FKTN: variants seen among roughly 807,000 people sequenced by gnomAD.
The protein encoded by FKTN is ribitol-5-phosphate transferase FKTN.
FKTN carries 47 observed loss-of-function variants against 58.6 expected under a neutral mutation model. The ratio of observed to expected loss-of-function variants is 0.80; its 90% CI spans 0.63 to 1.02. FKTN has a LOEUF of 1.02. Among genes scored for constraint, FKTN ranks in the 50% least tolerant of loss-of-function variants. The pLI is 0.00. For synonymous variants in FKTN, 178 were observed against 191.9 expected (o/e 0.93, Z 0.60); for missense variants, 516 against 537.3 (o/e 0.96, Z 0.39).
At chr9:105,603,235 T>C (rs1828218244) in intron 5 of FKTN, among the ~76,000 whole-genome samples, 1 of 152,216 alleles carries the variant, frequency 6.6e-6, no homozygotes, top group African/African-American at 2.4e-5. Flanking sequence ...TGTCAGCTGA[T>C]AATGCCTTTC....
intron 3 of FKTN, among the ~76,000 whole-genome samples, chr9:105,583,041 G>C (rs1274614333): frequency 6.6e-6 from 1 of 152,178 alleles, no homozygotes; most frequent in Admixed American, 6.5e-5. Context: ...GTGGCCAGCA[G>C]ATTCCCAAAT....
chr9:105,595,391 T>G (rs753979025), intron 3 of FKTN, among the ~76,000 whole-genome samples: 4 of 152,154 alleles, frequency 2.6e-5, no homozygotes, highest in Admixed American at 6.5e-5. Context: ...ACTCAACAAA[T>G]TGAACAGCTC....
In FKTN at chr9:105,639,754, A is replaced by G. The variant is rs888537340; in HGVS notation, c.*4490A>G. On this transcript the variant is annotated 3_prime_UTR_variant, in exon 11 of 11. Coordinates refer to ENST00000357998, the MANE Select transcript of FKTN (RefSeq NM_001079802.2). ...ATTACCAGTTTGCCTCCTTCTCTCA[A>G]TAGAACTTGTATTTTCATTTTCTTG... 9.5e-6 allele frequency: 10 copies of G among 1,050,394 alleles called. No individual in the cohort carries two copies. The African/African-American group carries it at 1.0e-4, about 11-fold the overall frequency. The allele number at this position is 1,050,394 out of a possible 1,614,324, so 65.1% of individuals were successfully genotyped here.
intron 10 of FKTN, among the ~76,000 whole-genome samples, chr9:105,631,109 G>C (rs1407691755): frequency 1.3e-5 from 2 of 152,066 alleles, no homozygotes; most frequent in African/African-American, 4.8e-5. Flanking sequence ...CTCCAGCCTG[G>C]GTGACAAAGC....
intron 3 of FKTN, among the ~76,000 whole-genome samples, chr9:105,590,560 A>T (rs1844684331): frequency 6.6e-6 from 1 of 152,176 alleles, no homozygotes; most frequent in Non-Finnish European, 1.5e-5. Flanking sequence ...AGTATTCAGG[A>T]TTTGTTGATG....
At chr9:105,583,514 G>A (rs1195812135) in intron 3 of FKTN, among the ~76,000 whole-genome samples, 1 of 152,042 alleles carries the variant, frequency 6.6e-6, no homozygotes, top group Non-Finnish European at 1.5e-5. Flanking sequence ...CTTTTTAGTT[G>A]TATTCTTACT....
chr9:105,604,929 C>T (rs1199235949), intron 6 of FKTN, among the ~76,000 whole-genome samples: 2 of 148,594 alleles, frequency 1.3e-5, no homozygotes, highest in Non-Finnish European at 3.0e-5. Context: ...ACACTCTAGG[C>T]TGGGCAACAG....
At chr9:105,633,645 G>A (rs561622325) in intron 10 of FKTN, among the ~76,000 whole-genome samples, 11 of 152,260 alleles carry the variant, frequency 7.2e-5, no homozygotes, top group African/African-American at 1.7e-4. Flanking sequence ...GAGATTTTCC[G>A]TGGCCACCTT....
chr9:105,566,270 G>T (rs1309993285), intron 1 of FKTN, among the ~76,000 whole-genome samples: 6 of 152,122 alleles, frequency 3.9e-5, no homozygotes, highest in African/African-American at 9.7e-5. Flanking sequence ...ACATTCAAAA[G>T]CTAACAGAAG....
chr9:105,619,375 G>A (rs1434282426), intron 9 of FKTN, among the ~76,000 whole-genome samples: 1 of 152,104 alleles, frequency 6.6e-6, no homozygotes, highest in Non-Finnish European at 1.5e-5. Flanking sequence ...CAATGGGAAC[G>A]TAATTATTTG....
Position 105,635,039 on chromosome 9 carries a change from G to C in FKTN, c.1173-12G>C. 1 of 1,613,112 alleles carries C rather than the reference G, an allele frequency of 6.2e-7. No individual in the cohort carries two copies. Among genetic ancestry groups the C allele is most frequent in the Non-Finnish European group, 8.5e-7 (1 of 1,179,016 alleles). Reference sequence around the variant, plus strand: ...TCCACTGTTGAAGCCTAATCCCTCTGTTTTGCTGCAGATACCTGTTTCCGA... The same window carrying C: ...TCCACTGTTGAAGCCTAATCCCTCTCTTTTGCTGCAGATACCTGTTTCCGA... On this transcript the variant is annotated splice_polypyrimidine_tract_variant and intron_variant, in intron 10 of 10. Coordinates refer to ENST00000357998, the MANE Select transcript of FKTN (RefSeq NM_001079802.2).
intron 1 of FKTN, among the ~76,000 whole-genome samples, chr9:105,562,368 G>A (rs1317992588): frequency 6.6e-6 from 1 of 152,230 alleles, no homozygotes; most frequent in Admixed American, 6.5e-5. Flanking sequence ...TGGTCCTTGT[G>A]TGCTGAGTCC....
At chr9:105,565,619 C>T (rs942161082) in intron 1 of FKTN, among the ~76,000 whole-genome samples, 54 of 151,850 alleles carry the variant, frequency 3.6e-4, no homozygotes, top group African/African-American at 1.2e-3. Flanking sequence ...TATATATGCA[C>T]CCAATACAGG....
chr9:105,586,842 A>G (rs1485644308), intron 3 of FKTN, among the ~76,000 whole-genome samples: 1 of 152,240 alleles, frequency 6.6e-6, no homozygotes, highest in African/African-American at 2.4e-5. Flanking sequence ...GTAAAATTGT[A>G]TTAAATTCTT....
intron 3 of FKTN, among the ~76,000 whole-genome samples, chr9:105,581,105 G>T (rs1424221177): frequency 6.7e-6 from 1 of 149,386 alleles, no homozygotes; most frequent in Non-Finnish European, 1.5e-5. Context: ...CTTTGCCTTT[G>T]GTTTGAATGT....
intron 3 of FKTN, among the ~76,000 whole-genome samples, chr9:105,581,944 C>T (rs1843019513): frequency 6.6e-6 from 1 of 152,202 alleles, no homozygotes; most frequent in Admixed American, 6.5e-5. Flanking sequence ...GTGTGTCCGT[C>T]ACCCCTTTCT....
intron 8 of FKTN, among the ~76,000 whole-genome samples, chr9:105,615,655 A>G (rs1028710702): frequency 6.6e-6 from 1 of 152,230 alleles, no homozygotes; most frequent in Non-Finnish European, 1.5e-5. Flanking sequence ...TATAAAATGT[A>G]TATCAGAACA....
intron 3 of FKTN, among the ~76,000 whole-genome samples, chr9:105,595,288 T>C (rs1826563587): frequency 6.6e-6 from 1 of 152,170 alleles, no homozygotes; most frequent in Non-Finnish European, 1.5e-5. Flanking sequence ...TAAAAATCAC[T>C]TTAGAAAGGC....
At chr9:105,585,122 A>C (rs1843677539) in intron 3 of FKTN, among the ~76,000 whole-genome samples, 2 of 151,946 alleles carry the variant, frequency 1.3e-5, no homozygotes, top group African/African-American at 2.4e-5. Context: ...AGTAGGAAAA[A>C]AAAATGCTTT....
Sources: gnomAD v4.1 joint callset for allele counts (sites outside exome capture counted in the v4.1 genomes callset) on GRCh38, gnomAD v4.1.1 for gene constraint, MANE v1.5 for transcripts, NCBI Gene and HGNC (gene_info 2026-07-23, HGNC 2026-07-21) for gene names.